YBEY: variants seen among roughly 807,000 people sequenced by gnomAD.
YBEY encodes the protein endoribonuclease YbeY.
YBEY carries 15 observed loss-of-function variants against 13.5 expected under a neutral mutation model. The ratio of observed to expected loss-of-function variants is 1.11; its 90% CI spans 0.75 to 1.72. YBEY has a LOEUF of 1.72. YBEY is among the 40% of genes most tolerant of loss of function. The probability of loss-of-function intolerance (pLI) is 0.00; values close to 1 mark genes in which losing one functional copy is unlikely to be tolerated. For synonymous variants in YBEY, 101 were observed against 83.1 expected, an observed-to-expected ratio of 1.21 and a Z score of -1.17; for missense variants, 244 against 208.4, an observed-to-expected ratio of 1.17 and a Z score of -1.05.
downstream of YBEY, chr21:46,300,872 TTGCACCC>T: frequency 9.1e-7 from 1 of 1,100,422 alleles, no homozygotes; most frequent in South Asian, 1.4e-5. Flanking sequence ...AGAAACATAA[TTGCACCC>T]AAAAAAAAAA....
downstream of YBEY, among the ~76,000 whole-genome samples, chr21:46,297,902 G>A (rs992900599): frequency 2.0e-5 from 3 of 152,242 alleles, no homozygotes; most frequent in Non-Finnish European, 4.4e-5. Flanking sequence ...CCTGCCCGGA[G>A]CCTGCGCCCC....
At chr21:46,302,761 G>T in the YBEY span, among the ~76,000 whole-genome samples, 2 of 119,516 alleles carry the variant, frequency 1.7e-5, no homozygotes, top group Non-Finnish European at 3.5e-5. Context: ...GTCTGCACAC[G>T]GTGCGGGTCC....
chr21:46,289,076 T>C (rs546279001), intron 2 of YBEY, among the ~76,000 whole-genome samples: 1 of 152,222 alleles, frequency 6.6e-6, no homozygotes, highest in Non-Finnish European at 1.5e-5. Context: ...GCATCCTAAA[T>C]ATCCAGCCAT....
At chr21:46,302,234 C>T, downstream of YBEY, 1 of 1,432,462 alleles carries the variant, frequency 7.0e-7, no homozygotes, top group Non-Finnish European at 9.1e-7. Flanking sequence ...CTAACTGGGG[C>T]TGGATCCCAT....
chr21:46,293,845 C>CTT (rs1473291505), intron 3 of YBEY, among the ~76,000 whole-genome samples: 1 of 15,712 alleles, frequency 6.4e-5, no homozygotes, highest in African/African-American at 4.1e-4. Context: ...ATTCCTCCCG[C>CTT]GGTTAGCCTG....
At chr21:46,313,101 A>G in the YBEY span, 2 of 975,312 alleles carry the variant, frequency 2.1e-6, no homozygotes, top group Non-Finnish European at 2.4e-6. Flanking sequence ...GCTACATCGT[A>G]AACAGCTTCC....
chr21:46,307,991 A>G, the YBEY span, among the ~76,000 whole-genome samples: 3 of 152,008 alleles, frequency 2.0e-5, no homozygotes, highest in African/African-American at 2.4e-5. Context: ...ACAGTTTGGC[A>G]GTTTCTTTTT....
At position 46,286,428 on chromosome 21, in the gene YBEY, G is replaced by A. The variant is rs2081432177; in HGVS notation, c.-45+13G>A. ...GGTCCAGACACCGGTACGTCCGGGC[G>A]GGTTTTTAGTCTCCCAAGCGAGAGC... On this transcript the variant is annotated intron_variant, in intron 1 of 4. Transcript: ENST00000397701. The A allele has an allele frequency of 6.4e-6, 1 of 156,730 alleles. No individual in the cohort carries two copies. Among genetic ancestry groups the A allele is most frequent in the Admixed American group, 6.4e-5 (1 of 15,654 alleles). 9.7% of individuals were successfully genotyped at this position (156,730 alleles called of 1,614,324 possible). A position where few individuals can be genotyped will look rare whatever the true frequency, so the allele number is the denominator to read the frequency against.
downstream of YBEY, chr21:46,300,376 A>G (rs2082073486): frequency 6.1e-6 from 1 of 164,122 alleles, no homozygotes; most frequent in South Asian, 1.5e-4. Flanking sequence ...GCTTGCAGTG[A>G]GCCGAGATCG....
chr21:46,308,630 G>A, the YBEY span, among the ~76,000 whole-genome samples: 1 of 151,910 alleles, frequency 6.6e-6, no homozygotes, highest in Non-Finnish European at 1.5e-5. Flanking sequence ...ACTGTGGTTG[G>A]AACTTAATCC....
chr21:46,298,446 T>TTTTTTTTTTTTTTTTTTTTTTTTTTTGG (rs1375821400), downstream of YBEY, among the ~76,000 whole-genome samples: 1 of 139,732 alleles, frequency 7.2e-6, no homozygotes. Context: ...TTTTTTTTTT[T>TTTTTTTTTTTTTTTTTTTTTTTTTTTGG]GAGACGGAGT....
At chr21:46,306,540 C>CA in the YBEY span, among the ~76,000 whole-genome samples, 5 of 152,166 alleles carry the variant, frequency 3.3e-5, no homozygotes, top group South Asian at 1.0e-3. Flanking sequence ...AACAGTTATA[C>CA]AAACTCCCTC....
At chr21:46,297,810 G>A (rs2082001967), downstream of YBEY, 1 of 1,213,020 alleles carries the variant, frequency 8.2e-7, no homozygotes, top group Admixed American at 4.3e-5. Flanking sequence ...GTGGCATCGA[G>A]AGGGCGTCTG....
downstream of YBEY, among the ~76,000 whole-genome samples, chr21:46,300,974 A>AGG (rs1287818651): frequency 1.3e-5 from 2 of 152,098 alleles, no homozygotes. Flanking sequence ...AACTGAACTG[A>AGG]GGGGAGTGAG....
intron 2 of YBEY, among the ~76,000 whole-genome samples, chr21:46,289,181 C>A (rs2839200): frequency 6.6e-6 from 1 of 151,832 alleles, no homozygotes; most frequent in South Asian, 2.1e-4. Context: ...GGACAAAATA[C>A]CAAGTGGAAA....
chr21:46,295,965 C>A (rs2081940262), intron 3 of YBEY, among the ~76,000 whole-genome samples, 197 bp from the exon 4 acceptor site: 1 of 152,126 alleles, frequency 6.6e-6, no homozygotes, highest in Non-Finnish European at 1.5e-5. Flanking sequence ...TAAAGACTCT[C>A]AAAGGGGCTT....
chr21:46,289,717 G>C (rs1032948737), intron 2 of YBEY, among the ~76,000 whole-genome samples: 11 of 152,052 alleles, frequency 7.2e-5, no homozygotes, highest in African/African-American at 2.7e-4. Flanking sequence ...GCCTTCCAAA[G>C]TGCTGGGATT....
chr21:46,289,023 CA>C (rs1016078264), intron 2 of YBEY, among the ~76,000 whole-genome samples: 26 of 151,150 alleles, frequency 1.7e-4, no homozygotes, highest in East Asian at 9.7e-4. Context: ...CACCCTTTTT[CA>C]AAAAAAAAGT....
the YBEY span, among the ~76,000 whole-genome samples, chr21:46,308,328 G>C: frequency 1.3e-5 from 2 of 151,894 alleles, no homozygotes; most frequent in Non-Finnish European, 1.5e-5. Flanking sequence ...GGGCGTGGTG[G>C]CACATGCCTG....
Sources: allele counts gnomAD v4.1 joint callset (sites outside exome capture counted in the v4.1 genomes callset), GRCh38; gene constraint gnomAD v4.1.1; transcripts MANE v1.5; gene names NCBI Gene and HGNC (gene_info 2026-07-23, HGNC 2026-07-21).